RPL37: variants seen among roughly 807,000 people sequenced by gnomAD.
The protein encoded by RPL37 is large ribosomal subunit protein eL37.
RPL37 carries 1 observed loss-of-function variant against 14.8 expected under a neutral mutation model. That is an observed-to-expected ratio of 0.07 (90% CI 0.02 to 0.32). The LOEUF (loss-of-function observed/expected upper bound fraction) is 0.32, where lower values mean the gene tolerates loss of function less well. RPL37 is among the 10% of genes least tolerant of loss of function. RPL37 has a pLI of 1.00. For missense variants in RPL37, 100 were observed against 128.3 expected (o/e 0.78, Z 1.06); for synonymous variants, 53 against 45.8 (o/e 1.16, Z -0.63).
rs1394504844 is a variant in RPL37, at chr5:40,825,577, G to C, written c.*6927C>G. The C allele has an allele frequency of 9.9e-5, 15 of 152,228 alleles. No homozygotes were observed. Among genetic ancestry groups the C allele is most frequent in the African/African-American group, 3.6e-4 (15 of 41,436 alleles). The allele number at this position is 152,228 out of a possible 1,614,324, so 9.4% of individuals were successfully genotyped here. ...TCTCTGTAGGTTGCTTCCCTGTGAC[G>C]CAGGGACCATAGTTTCTGCTCTAAT... On this transcript the variant is annotated 3_prime_UTR_variant, in exon 4 of 4. Transcript: ENST00000274242.
In RPL37 at chr5:40,828,238, C is replaced by T. The variant is rs1392466630; in HGVS notation, c.*4266G>A. The stretch of plus-strand genomic sequence containing the variant: ...CTTAACCAACCTTCTAAAGGTTCCT[C>T]CATCCCCACTGTCTATTACGCTCGT... On this transcript the variant is annotated 3_prime_UTR_variant, in exon 4 of 4. Coordinates refer to ENST00000274242, the MANE Select transcript of RPL37 (RefSeq NM_000997.5). 6.6e-6 allele frequency: 1 copy of T among 152,200 alleles called. No homozygotes were observed. The highest frequency in any genetic ancestry group is 2.4e-5 in the African/African-American group (1 of 41,444). The allele number at this position is 152,200 out of a possible 1,614,324, so 9.4% of individuals were successfully genotyped here.
Position 40,832,563 on chromosome 5 carries a change from G to C in RPL37, c.235C>G (p.Arg79Gly), listed in dbSNP as rs368304251. ...IVYRRFRHGF[R>G]EGTTPKPKRA... ...TTGGGTTTAGGTGTTGTTCCTTCAC[G>C]GAATCCATGCCTGCAGGATGTCAAA... Residue 79 changes from arginine to glycine, a missense_variant, in exon 4 of 4, where the codon CGT (arginine) becomes GGT (glycine). Arg to Gly is a moderately radical substitution (Grantham distance 125). Around this residue, in one of 2 missense-constraint regions of RPL37, gnomAD observed 74 missense variants for 69.9 expected, o/e 1.06. Coordinates refer to ENST00000274242, the MANE Select transcript of RPL37 (RefSeq NM_000997.5). 6.2e-7 allele frequency: 1 copy of C among 1,613,770 alleles called. No homozygotes were observed. The highest frequency in any genetic ancestry group is 8.5e-7 in the Non-Finnish European group (1 of 1,179,736).
chr5:40,831,125 A>T lies in RPL37; in HGVS notation c.*1379T>A, dbSNP rs1745632788. ...TCGAGTGAATCTCCATCTCTACAAA[A>T]AACACAAAAATTAGCCAGGTGTGGT... On this transcript the variant is annotated 3_prime_UTR_variant, in exon 4 of 4. Transcript: ENST00000274242. The T allele has an allele frequency of 6.6e-6, 1 of 152,144 alleles. No homozygotes were observed. The highest frequency in any genetic ancestry group is 1.5e-5 in the Non-Finnish European group (1 of 68,050). The allele number at this position is 152,144 out of a possible 1,614,324, so 9.4% of individuals were successfully genotyped here.
intron 3 of RPL37, 153 bp downstream of exon 3, chr5:40,834,028 T>A (rs188239353): frequency 1.6e-6 from 1 of 633,690 alleles, no homozygotes; most frequent in African/African-American, 1.8e-5. Flanking sequence ...CTGGGCAACA[T>A]AGTGAAACCC....
rs370031062 is a variant in RPL37 at position 40,833,431 on chromosome 5, G to A, written c.224+750C>T. ...GAATCTTAGCTGAGATCTTAGATGG[G>A]TTAATCTCTTAGAAACTACTCTTTA... On this transcript the variant is annotated intron_variant, in intron 3 of 3. Coordinates refer to ENST00000274242, the MANE Select transcript of RPL37 (RefSeq NM_000997.5). 5.9e-5 allele frequency among the ~76,000 whole-genome samples: 9 copies of A among 152,296 alleles called. No individual in the cohort carries two copies. In the South Asian group the frequency reaches 1.7e-3, roughly 28 times the overall value.
At position 40,832,726 on chromosome 5, in the gene RPL37, C is replaced by T. The variant is rs189362526; in HGVS notation, c.225-153G>A. The T allele has an allele frequency of 2.5e-4, 193 of 759,836 alleles. 1 individual carries two copies. The highest frequency in any genetic ancestry group is 1.7e-4 in the Non-Finnish European group (68 of 405,918). The allele number at this position is 759,836 out of a possible 1,614,324, so 47.1% of individuals were successfully genotyped here. ...TCAGACATTTATTTTTACAACATCA[C>T]TGATAAGCTGAAATTCTTCACTTTG... On this transcript the variant is annotated intron_variant, in intron 3 of 3. Coordinates refer to ENST00000274242, the MANE Select transcript of RPL37 (RefSeq NM_000997.5).
rs1394319714 is a variant in RPL37 at position 40,831,997 on chromosome 5, G to A, written c.*507C>T. ...AGCCCACAAGTCAGGTGTGCCAAGT[G>A]AGCATTACAGATACTAGGATAAGAT... On this transcript the variant is annotated 3_prime_UTR_variant, in exon 4 of 4. Transcript: ENST00000274242. The A allele has an allele frequency of 2.5e-5, 4 of 161,044 alleles. No homozygotes were observed. The highest frequency in any genetic ancestry group is 1.7e-4 in the South Asian group (1 of 5,968). 10.0% of individuals were successfully genotyped at this position (161,044 alleles called of 1,614,324 possible). A position where few individuals can be genotyped will look rare whatever the true frequency, so the allele number is the denominator to read the frequency against.
chr5:40,834,348 A>T, intron 2 of RPL37, 83 bp from the exon 3 acceptor site: 1 of 1,553,062 alleles, frequency 6.4e-7, no homozygotes, highest in Non-Finnish European at 8.9e-7. Context: ...GTTTTATGCC[A>T]CCTCATCGGC....
chr5:40,832,020 G>T lies in RPL37; in HGVS notation c.*484C>A, dbSNP rs1231382495. On this transcript the variant is annotated 3_prime_UTR_variant, in exon 4 of 4. Transcript: ENST00000274242. Reference sequence around the variant, plus strand: ...GTGAGCATTACAGATACTAGGATAAGATCATCTTTTGAAAAACAGAAGCCA... The same window carrying T: ...GTGAGCATTACAGATACTAGGATAATATCATCTTTTGAAAAACAGAAGCCA... 6.0e-6 allele frequency: 1 copy of T among 167,284 alleles called. No individual in the cohort carries two copies. The highest frequency in any genetic ancestry group is 1.3e-5 in the Non-Finnish European group (1 of 75,156). The allele number at this position is 167,284 out of a possible 1,614,324, so 10.4% of individuals were successfully genotyped here. A position where few individuals can be genotyped will look rare whatever the true frequency, so the allele number is the denominator to read the frequency against.
chr5:40,834,874 T>C (rs1191485581), intron 1 of RPL37: 15 of 606,262 alleles, frequency 2.5e-5, no homozygotes, highest in Non-Finnish European at 3.8e-5. Flanking sequence ...ATTTCATTGT[T>C]ACACAGAGCC....
rs1745713367 is a variant in RPL37, at chr5:40,834,285, A to G, written c.140-20T>C. 1 of 1,610,266 alleles carries G rather than the reference A, an allele frequency of 6.2e-7. No homozygotes were observed. The highest frequency in any genetic ancestry group is 1.3e-5 in the African/African-American group (1 of 74,832). The stretch of plus-strand genomic sequence containing the variant: ...AGTTATCTAAAACATAAGTTCAGAA[A>G]AGATTTCAAACGGTGTTCTCCCACA... On this transcript the variant is annotated intron_variant, in intron 2 of 3. Coordinates refer to ENST00000274242, the MANE Select transcript of RPL37 (RefSeq NM_000997.5).
rs1745612493 is a variant in RPL37, at chr5:40,830,199, T to C, written c.*2305A>G. 6.6e-6 allele frequency: 1 copy of C among 151,828 alleles called. No homozygotes were observed. The highest frequency in any genetic ancestry group is 1.5e-5 in the Non-Finnish European group (1 of 68,034). 9.4% of individuals were successfully genotyped at this position (151,828 alleles called of 1,614,324 possible). Reference sequence around the variant, plus strand: ...AATTTAACATTTTTGCACACCAACATATAACACTGCAGAGAAGATAAAAGC... The same window carrying C: ...AATTTAACATTTTTGCACACCAACACATAACACTGCAGAGAAGATAAAAGC... On this transcript the variant is annotated 3_prime_UTR_variant, in exon 4 of 4. Transcript: ENST00000274242.
Position 40,832,386 on chromosome 5 carries a change from C to T in RPL37, c.*118G>A, listed in dbSNP as rs114691262. ...ATCTGATATGAAGCTAGCCCAGTCC[C>T]TAAACCTACAGTATTTCACTGATAC... is the stretch of plus-strand genomic sequence containing the variant. On this transcript the variant is annotated 3_prime_UTR_variant, in exon 4 of 4. Coordinates refer to ENST00000274242, the MANE Select transcript of RPL37 (RefSeq NM_000997.5). 2.1e-3 allele frequency: 1,910 copies of T among 890,884 alleles called. 15 individuals are homozygous for T. In the African/African-American group the frequency reaches 0.024, roughly 11 times the overall value. The allele number at this position is 890,884 out of a possible 1,614,324, so 55.2% of individuals were successfully genotyped here. A position where few individuals can be genotyped will look rare whatever the true frequency, so the allele number is the denominator to read the frequency against.
rs931481571 is a variant in RPL37, at chr5:40,834,481, G to A, written c.129C>T (p.Arg43=). 1.9e-6 allele frequency: 3 copies of A among 1,612,852 alleles called. No homozygotes were observed. The highest frequency in any genetic ancestry group is 1.3e-5 in the African/African-American group (1 of 74,808). Residue 43 remains arginine (R), a synonymous_variant, in exon 2 of 4, where the codon CGC becomes CGT. Transcript: ENST00000274242. ...TCGKCGYPAK[R]KRKYNWSAKA... Reference sequence around the variant, plus strand: ...AAAAATGTTACTTACACTTTCTCTTGCGCTTGGCAGGGTAGCCACATTTGC... The same window carrying A: ...AAAAATGTTACTTACACTTTCTCTTACGCTTGGCAGGGTAGCCACATTTGC...
In RPL37 at chr5:40,830,848, A is replaced by G. The variant is rs1317425585; in HGVS notation, c.*1656T>C. Reference sequence around the variant, plus strand: ...ACCTTCACTAGACTTAGACTTCTGAAGCCCAAACTGGCCAAACTTCACCAG... The same window carrying G: ...ACCTTCACTAGACTTAGACTTCTGAGGCCCAAACTGGCCAAACTTCACCAG... On this transcript the variant is annotated 3_prime_UTR_variant, in exon 4 of 4. Coordinates refer to ENST00000274242, the MANE Select transcript of RPL37 (RefSeq NM_000997.5). 6.6e-6 allele frequency: 1 copy of G among 152,128 alleles called. No homozygotes were observed. Among genetic ancestry groups the G allele is most frequent in the African/African-American group, 2.4e-5 (1 of 41,390 alleles). The allele number at this position is 152,128 out of a possible 1,614,324, so 9.4% of individuals were successfully genotyped here. A position where few individuals can be genotyped will look rare whatever the true frequency, so the allele number is the denominator to read the frequency against.
chr5:40,826,667 G>A lies in RPL37; in HGVS notation c.*5837C>T, dbSNP rs1269781798. On this transcript the variant is annotated 3_prime_UTR_variant, in exon 4 of 4. Transcript: ENST00000274242. ...AAATTGTTTTTTTCAGGCCAGGGAT[G>A]TGAGAATGTTTCCTGAGGACCAGAT... 6.6e-6 allele frequency: 1 copy of A among 152,268 alleles called. No individual in the cohort carries two copies. Among genetic ancestry groups the A allele is most frequent in the Non-Finnish European group, 1.5e-5 (1 of 68,064 alleles). The allele number at this position is 152,268 out of a possible 1,614,324, so 9.4% of individuals were successfully genotyped here.
At chr5:40,834,047 A>T (rs1745705053) in intron 3 of RPL37, 134 bp downstream of exon 3, 6 of 687,776 alleles carry the variant, frequency 8.7e-6, no homozygotes, top group Non-Finnish European at 1.5e-5. Context: ...CCTGCCTCAA[A>T]AACAACAATA....
rs1745534030 is a variant in RPL37, at chr5:40,827,139, C to T, written c.*5365G>A. On this transcript the variant is annotated 3_prime_UTR_variant, in exon 4 of 4. Coordinates refer to ENST00000274242, the MANE Select transcript of RPL37 (RefSeq NM_000997.5). ...AGGATAACTACCCAGCAGGGAACCT[C>T]CAAAGAGGTCATACAAATGCCTGAG... 6.6e-6 allele frequency: 1 copy of T among 152,156 alleles called. No homozygotes were observed. The highest frequency in any genetic ancestry group is 1.5e-5 in the Non-Finnish European group (1 of 68,052). 9.4% of individuals were successfully genotyped at this position (152,156 alleles called of 1,614,324 possible).
intron 3 of RPL37, among the ~76,000 whole-genome samples, chr5:40,832,909 C>A (rs1355613584): frequency 1.3e-5 from 2 of 152,174 alleles, no homozygotes; most frequent in East Asian, 3.8e-4. Context: ...GAGAATAGAT[C>A]CCAACTACTT....
Sources: gnomAD v4.1 joint callset for allele counts (sites outside exome capture counted in the v4.1 genomes callset) on GRCh38, gnomAD v4.1.1 for gene constraint, gnomAD v4.1.1 regional missense constraint, MANE v1.5 for transcripts, NCBI Gene and HGNC (gene_info 2026-07-23, HGNC 2026-07-21) for gene names.